The following ANO1 variants were observed in gnomAD, a reference collection of about 807,000 sequenced individuals.
ANO1 encodes the protein anoctamin 1, also known as anoctamin-1.
A neutral mutation model predicts 124.0 loss-of-function variants in ANO1; 59 were observed. The observed-to-expected ratio is 0.48, with a 90% CI of 0.39 to 0.59. The LOEUF (loss-of-function observed/expected upper bound fraction) is 0.59, where lower values mean the gene tolerates loss of function less well. Ranked by LOEUF, ANO1 falls within the 20% of genes least tolerant of loss-of-function variation. The pLI is 0.00. For synonymous variants in ANO1, 529 were observed against 532.0 expected (o/e 0.99, Z 0.08); for missense variants, 1,059 against 1,328.0 (o/e 0.80, Z 3.15).
At chr11:70,110,613 G>A (rs2135401868) in intron 6 of ANO1, among the ~76,000 whole-genome samples, 1 of 152,064 alleles carries the variant, frequency 6.6e-6, no homozygotes, top group South Asian at 2.1e-4. Flanking sequence ...CACAGAGATG[G>A]CCCATTTTCA....
At chr11:70,003,823 G>T (rs1197333712) in intron 1 of ANO1, among the ~76,000 whole-genome samples, 1 of 152,158 alleles carries the variant, frequency 6.6e-6, no homozygotes, top group Non-Finnish European at 1.5e-5. Flanking sequence ...CAGTGAAAAA[G>T]AAATGACCCT....
intron 1 of ANO1, among the ~76,000 whole-genome samples, chr11:70,017,901 A>T (rs1324356065): frequency 1.3e-5 from 2 of 151,876 alleles, no homozygotes; most frequent in Non-Finnish European, 2.9e-5. Context: ...GGTTCTAGCT[A>T]CCCCCTGCCT....
At chr11:70,011,792 C>T (rs560924387) in intron 1 of ANO1, among the ~76,000 whole-genome samples, 1 of 152,316 alleles carries the variant, frequency 6.6e-6, no homozygotes, top group South Asian at 2.1e-4. Context: ...CATCCACGCA[C>T]CTCAAAGGAT....
chr11:70,176,735 G>A (rs2048716250), intron 22 of ANO1, among the ~76,000 whole-genome samples: 2 of 152,150 alleles, frequency 1.3e-5, no homozygotes, highest in Admixed American at 1.3e-4. Context: ...AGTCTTTCAG[G>A]TTAATTTGGG....
At chr11:69,970,389 C>T in the ANO1 span, among the ~76,000 whole-genome samples, 3 of 152,200 alleles carry the variant, frequency 2.0e-5, no homozygotes, top group East Asian at 1.9e-4. Flanking sequence ...CTGACAGCAC[C>T]GTGGTGTTCA....
the ANO1 span, among the ~76,000 whole-genome samples, chr11:69,979,985 T>A: frequency 6.6e-6 from 1 of 152,128 alleles, no homozygotes; most frequent in Non-Finnish European, 1.5e-5. Flanking sequence ...TAACATTAGC[T>A]CATTTTTATG....
At chr11:70,066,456 G>A (rs560813653) in intron 1 of ANO1, among the ~76,000 whole-genome samples, 1 of 152,186 alleles carries the variant, frequency 6.6e-6, no homozygotes, top group African/African-American at 2.4e-5. Flanking sequence ...AGGGACAGAG[G>A]GGGAGGAGGC....
the ANO1 span, among the ~76,000 whole-genome samples, chr11:69,971,226 A>C: frequency 6.6e-6 from 1 of 152,152 alleles, no homozygotes; most frequent in Non-Finnish European, 1.5e-5. Flanking sequence ...CAGTTTCCTC[A>C]TCTGTAAAAG....
chr11:70,087,762 CCTT>C lies in ANO1; in HGVS notation c.120_122del (p.Leu41del), dbSNP rs1289950690. 6.2e-7 allele frequency: 1 copy of C among 1,601,734 alleles called. No individual in the cohort carries two copies. Among genetic ancestry groups the C allele is most frequent in the Non-Finnish European group, 8.5e-7 (1 of 1,173,224 alleles). On this transcript the variant is annotated inframe_deletion, in exon 2 of 26. Transcript: ENST00000355303. ...TTCTTCCACCCTTAGCTGCTGAACTCCTTATCTGTGGACCCTGATGCCGAGTGC... is the reference window on the plus strand; with the variant it reads ...TTCTTCCACCCTTAGCTGCTGAACTCATCTGTGGACCCTGATGCCGAGTGC...
chr11:70,036,044 G>A (rs1425407202), intron 1 of ANO1, among the ~76,000 whole-genome samples: 1 of 152,166 alleles, frequency 6.6e-6, no homozygotes, highest in Non-Finnish European at 1.5e-5. Context: ...ATACCCAGCT[G>A]TAGGAGTCTC....
chr11:69,968,901 G>T, the ANO1 span, among the ~76,000 whole-genome samples: 37 of 152,356 alleles, frequency 2.4e-4, no homozygotes, highest in Admixed American at 9.8e-4. Context: ...TCCCTTGAGG[G>T]AGCCCTGGCA....
At chr11:70,077,272 G>A (rs1200039742), upstream of ANO1, among the ~76,000 whole-genome samples, 1 of 152,198 alleles carries the variant, frequency 6.6e-6, no homozygotes, top group Non-Finnish European at 1.5e-5. Context: ...GTTCAGGCAG[G>A]TTCTTTGGAT....
chr11:69,996,696 A>G (rs1360748036), intron 1 of ANO1, among the ~76,000 whole-genome samples: 2 of 152,152 alleles, frequency 1.3e-5, no homozygotes, highest in Non-Finnish European at 2.9e-5. Flanking sequence ...GGTGGCAGGA[A>G]TGGGTGTACT....
chr11:70,017,198 G>A (rs1433436267), intron 1 of ANO1, among the ~76,000 whole-genome samples: 1 of 152,172 alleles, frequency 6.6e-6, no homozygotes, highest in African/African-American at 2.4e-5. Flanking sequence ...TCCGAACAAA[G>A]GCCAGACGCC....
At chr11:70,085,629 G>A in intron 1 of ANO1, 1 of 1,533,470 alleles carries the variant, frequency 6.5e-7, no homozygotes. Context: ...CCCTAACCAG[G>A]GGTAGAGGAG....
At chr11:69,974,665 T>G in the ANO1 span, among the ~76,000 whole-genome samples, 20 of 152,162 alleles carry the variant, frequency 1.3e-4, no homozygotes, top group African/African-American at 4.8e-4. Flanking sequence ...CCACATTGTC[T>G]CTGAGCCTCC....
chr11:69,999,635 C>T (rs1192600777), intron 1 of ANO1, among the ~76,000 whole-genome samples: 3 of 152,170 alleles, frequency 2.0e-5, no homozygotes, highest in East Asian at 1.9e-4. Context: ...CTAACATAAA[C>T]GCCAGGGGAA....
chr11:70,065,943 C>A (rs977440812), intron 1 of ANO1, among the ~76,000 whole-genome samples: 12 of 152,236 alleles, frequency 7.9e-5, no homozygotes, highest in Admixed American at 3.3e-4. Flanking sequence ...TCCCCTCTTC[C>A]TGCTTCCGTC....
intron 1 of ANO1, among the ~76,000 whole-genome samples, chr11:70,066,237 C>T (rs1460028470): frequency 5.9e-5 from 9 of 152,208 alleles, no homozygotes; most frequent in African/African-American, 2.2e-4. Context: ...TGATAATAAA[C>T]AGTGATTACA....
Sources: allele counts gnomAD v4.1 joint callset (sites outside exome capture counted in the v4.1 genomes callset), GRCh38; gene constraint gnomAD v4.1.1; transcripts MANE v1.5; gene names NCBI Gene and HGNC (gene_info 2026-07-23, HGNC 2026-07-21).